Variants in ATP2B1 observed in about 807,000 individuals in gnomAD.
ATP2B1 encodes the protein ATPase plasma membrane Ca2+ transporting 1.
Under a neutral mutation model 124.2 loss-of-function variants are expected in ATP2B1, and 14 were observed. The ratio of observed to expected loss-of-function variants is 0.11; its 90% CI spans 0.07 to 0.18. The LOEUF is 0.18. ATP2B1 is among the 10% of genes least tolerant of loss of function. The probability of loss-of-function intolerance (pLI) is 1.00; values close to 1 mark genes in which losing one functional copy is unlikely to be tolerated. For missense variants in ATP2B1, 763 were observed against 1,466.1 expected (o/e 0.52, Z 7.83); for synonymous variants, 449 against 492.4 (o/e 0.91, Z 1.17).
Position 89,684,156 on chromosome 12 carries a change from A to G in ATP2B1, c.-222+24440T>C, listed in dbSNP as rs549367680. Reference sequence around the variant, plus strand: ...ATGTCTATTTTTGGAAAAGAAACACAGAAATAATAAATCAAAAAACATGAA... The same window carrying G: ...ATGTCTATTTTTGGAAAAGAAACACGGAAATAATAAATCAAAAAACATGAA... On this transcript the variant is annotated intron_variant, in intron 1 of 20. Transcript: ENST00000428670. Among the ~76,000 whole-genome samples, 28 of 152,342 alleles carry G rather than the reference A, an allele frequency of 1.8e-4. No homozygotes were observed. The South Asian group carries it at 5.6e-3, about 30-fold the overall frequency.
rs754271168 is a variant in ATP2B1, at chr12:89,635,156, A to T, written c.502T>A (p.Leu168Ile). The stretch of plus-strand genomic sequence containing the variant: ...CTCCAGTCATTGAAAGCTGTTACTA[A>T]CACCACACACACTACAGACAAGAGG... ...AILLSVVCVV[L>I]VTAFNDWSKE... is the part of the protein sequence containing the mutation. The change falls in exon 4 of 21, where the codon TTA becomes ATA. Residue 168 changes from leucine to isoleucine, a missense_variant. Physicochemically the swap from Leu to Ile is conservative, Grantham distance 5. This residue lies in a region of ATP2B1 where 392 missense variants were observed against 776.6 expected (regional missense o/e 0.50). Coordinates refer to ENST00000428670, the MANE Select transcript of ATP2B1 (RefSeq NM_001366521.1). 1.9e-6 allele frequency: 3 copies of T among 1,613,800 alleles called. No individual in the cohort carries two copies. Among genetic ancestry groups the T allele is most frequent in the Non-Finnish European group, 2.5e-6 (3 of 1,179,896 alleles).
intron 1 of ATP2B1, among the ~76,000 whole-genome samples, chr12:89,697,909 TC>T (rs1390255288): frequency 1.3e-5 from 2 of 152,172 alleles, no homozygotes; most frequent in Non-Finnish European, 2.9e-5. Flanking sequence ...GGAGTCTCGC[TC>T]TGTTGTCCAG....
chr12:89,621,644 T>G lies in ATP2B1; in HGVS notation c.1492A>C (p.Lys498Gln). 6.2e-7 allele frequency: 1 copy of G among 1,612,026 alleles called. No individual in the cohort carries two copies. The highest frequency in any genetic ancestry group is 1.1e-5 in the South Asian group (1 of 90,782). The change falls in exon 10 of 21, where the codon AAA becomes CAA. Residue 498 changes from lysine (K) to glutamine (Q), a missense_variant. By Grantham distance (53) the Lys-to-Gln change is moderately conservative. This residue lies in a region of ATP2B1 where 392 missense variants were observed against 776.6 expected (regional missense o/e 0.50). Transcript: ENST00000428670. ...VQAYINEKHY[K>Q]KVPEPEAIPP... ...ATAGCTTCTGGTTCAGGAACCTTTT[T>G]ATAATGTTTTTCATTTATGTAAGCT...
intron 12 of ATP2B1, among the ~76,000 whole-genome samples, chr12:89,613,184 T>C (rs541728303): frequency 6.6e-6 from 1 of 152,138 alleles, no homozygotes; most frequent in Non-Finnish European, 1.5e-5. Context: ...TTTCACCATG[T>C]TGCCCAGACT....
chr12:89,596,808 G>A (rs1874701103), intron 20 of ATP2B1, among the ~76,000 whole-genome samples: 1 of 152,024 alleles, frequency 6.6e-6, no homozygotes, highest in Non-Finnish European at 1.5e-5. Flanking sequence ...CCTTCTTGTG[G>A]GGTATAAACA....
chr12:89,617,421 T>C (rs1327128259), intron 11 of ATP2B1, among the ~76,000 whole-genome samples: 3 of 152,200 alleles, frequency 2.0e-5, no homozygotes, highest in African/African-American at 7.2e-5. Flanking sequence ...AAATGTTTTC[T>C]TCTTTTAAGG....
intron 2 of ATP2B1, among the ~76,000 whole-genome samples, chr12:89,650,908 A>G (rs1565872283): frequency 6.6e-6 from 1 of 152,230 alleles, no homozygotes; most frequent in Non-Finnish European, 1.5e-5. Flanking sequence ...ACAAAGATAC[A>G]GAAGAAAAAA....
intron 1 of ATP2B1, among the ~76,000 whole-genome samples, chr12:89,696,121 G>A (rs563808884): frequency 1.3e-5 from 2 of 152,208 alleles, no homozygotes; most frequent in South Asian, 2.1e-4. Flanking sequence ...TGTCACGGAA[G>A]TGTCAAACAT....
intron 12 of ATP2B1, among the ~76,000 whole-genome samples, chr12:89,613,033 G>A (rs1293948972): frequency 6.6e-6 from 1 of 151,972 alleles, no homozygotes; most frequent in Non-Finnish European, 1.5e-5. Context: ...AGGATAAAGT[G>A]CAGGGGTATA....
intron 2 of ATP2B1, among the ~76,000 whole-genome samples, chr12:89,646,102 C>T (rs1274414638): frequency 6.7e-6 from 1 of 149,984 alleles, no homozygotes; most frequent in African/African-American, 2.5e-5. Flanking sequence ...TTTTTTTTTG[C>T]GAGGGGGAGG....
intron 1 of ATP2B1, among the ~76,000 whole-genome samples, chr12:89,677,089 C>T (rs1020791642): frequency 2.6e-5 from 4 of 152,018 alleles, no homozygotes; most frequent in South Asian, 2.1e-4. Context: ...AAAAGCATTT[C>T]GCAATTTTAA....
chr12:89,640,467 A>G (rs767964903), intron 3 of ATP2B1, among the ~76,000 whole-genome samples: 12 of 152,190 alleles, frequency 7.9e-5, no homozygotes, highest in Non-Finnish European at 1.5e-4. Flanking sequence ...GCCGCTCAAT[A>G]TGTCAGTCGT....
At chr12:89,675,596 A>T (rs758878125) in intron 1 of ATP2B1, among the ~76,000 whole-genome samples, 4 of 152,170 alleles carry the variant, frequency 2.6e-5, no homozygotes, top group Non-Finnish European at 1.5e-5. Context: ...AAAACACAGA[A>T]ATATAAAATC....
Position 89,589,674 on chromosome 12 carries a change from C to T in ATP2B1, c.*1310G>A, listed in dbSNP as rs529199758. 140 of 152,054 alleles carry T rather than the reference C, an allele frequency of 9.2e-4. No individual in the cohort carries two copies. The highest frequency in any genetic ancestry group is 3.3e-3 in the African/African-American group (138 of 41,486). The allele number at this position is 152,054 out of a possible 1,614,324, so 9.4% of individuals were successfully genotyped here. On this transcript the variant is annotated 3_prime_UTR_variant, in exon 21 of 21. Coordinates refer to ENST00000428670, the MANE Select transcript of ATP2B1 (RefSeq NM_001366521.1). The stretch of plus-strand genomic sequence containing the variant: ...TTAGATTACCAGCAAGGAATTAAAG[C>T]GGTACTTCATGGGGCTGTTACCATC...
chr12:89,690,176 A>G (rs1262307167), intron 1 of ATP2B1, among the ~76,000 whole-genome samples: 1 of 152,136 alleles, frequency 6.6e-6, no homozygotes, highest in East Asian at 1.9e-4. Flanking sequence ...CAGAACATAT[A>G]TAGCCTAATA....
rs1023072131 is a variant in ATP2B1, at chr12:89,678,092, C to T, written c.-221-21985G>A. On this transcript the variant is annotated intron_variant, in intron 1 of 20. Coordinates refer to ENST00000428670, the MANE Select transcript of ATP2B1 (RefSeq NM_001366521.1). Reference sequence around the variant, plus strand: ...TCACTACAAACTAACCTAACTGGCCCCTACTTAACAAAAGATTTTTACACA... The same window carrying T: ...TCACTACAAACTAACCTAACTGGCCTCTACTTAACAAAAGATTTTTACACA... Among the ~76,000 whole-genome samples, 17 of 150,534 alleles carry T rather than the reference C, an allele frequency of 1.1e-4. No homozygotes were observed. In the East Asian group the frequency reaches 3.1e-3, roughly 28 times the overall value.
At chr12:89,654,812 T>C (rs1018693538) in intron 2 of ATP2B1, among the ~76,000 whole-genome samples, 2 of 152,180 alleles carry the variant, frequency 1.3e-5, no homozygotes, top group African/African-American at 2.4e-5. Flanking sequence ...TTGGAATATA[T>C]ACTAATATAC....
At chr12:89,643,888 G>A (rs1592841925) in intron 2 of ATP2B1, among the ~76,000 whole-genome samples, 1 of 152,158 alleles carries the variant, frequency 6.6e-6, no homozygotes, top group African/African-American at 2.4e-5. Context: ...TTGGGAGGCC[G>A]AGGCAGGCAG....
chr12:89,705,849 T>C (rs1892387387), intron 1 of ATP2B1, among the ~76,000 whole-genome samples: 1 of 152,172 alleles, frequency 6.6e-6, no homozygotes, highest in African/African-American at 2.4e-5. Flanking sequence ...TACAGCTCAA[T>C]AGCCAATGCT....
Sources: allele counts gnomAD v4.1 joint callset (sites outside exome capture counted in the v4.1 genomes callset), GRCh38; gene constraint gnomAD v4.1.1; regional missense constraint gnomAD v4.1.1; transcripts MANE v1.5; gene names NCBI Gene and HGNC (gene_info 2026-07-23, HGNC 2026-07-21).